STK38L: variants seen among roughly 807,000 people sequenced by gnomAD.
STK38L encodes serine/threonine-protein kinase 38-like.
STK38L carries 28 observed loss-of-function variants against 59.7 expected under a neutral mutation model. That is an observed-to-expected ratio of 0.47 (90% CI 0.35 to 0.64). The LOEUF is 0.64. STK38L is among the 30% of genes least tolerant of loss of function. The pLI, the probability that STK38L is intolerant of heterozygous loss-of-function variation, is 0.01. For missense variants in STK38L, 314 were observed against 555.8 expected, an observed-to-expected ratio of 0.56 and a Z score of 4.37; for synonymous variants, 162 against 176.8, an observed-to-expected ratio of 0.92 and a Z score of 0.66.
chr12:27,292,117 G>A (rs1464379966), intron 1 of STK38L, among the ~76,000 whole-genome samples: 1 of 152,206 alleles, frequency 6.6e-6, no homozygotes, highest in Non-Finnish European at 1.5e-5. Context: ...ATCAGTCCAG[G>A]AATTCTAGAC....
rs530316752 is a variant in STK38L at position 27,272,479 on chromosome 12, TC to T, written c.-11-25228del. Among the ~76,000 whole-genome samples the T allele has an allele frequency of 2.9e-3, 448 of 152,320 alleles. 2 individuals are homozygous for T. Among genetic ancestry groups the T allele is most frequent in the African/African-American group, 0.01 (424 of 41,564 alleles). On this transcript the variant is annotated intron_variant, in intron 1 of 13. Coordinates refer to ENST00000389032, the MANE Select transcript of STK38L (RefSeq NM_015000.4). The stretch of plus-strand genomic sequence containing the variant: ...GGAAGGACTGGGAAAGTAGCTCTTT[TC>T]CCTCCTTTATATGGTCATAATAAAG...
chr12:27,314,888 T>A, intron 7 of STK38L, 127 bp from the exon 8 acceptor site: 1 of 887,776 alleles, frequency 1.1e-6, no homozygotes, highest in Non-Finnish European at 1.7e-6. Context: ...CTTAAAATTT[T>A]ACATTTTACG....
At chr12:27,295,009 C>G (rs1220010441) in intron 1 of STK38L, among the ~76,000 whole-genome samples, 1 of 152,152 alleles carries the variant, frequency 6.6e-6, no homozygotes, top group African/African-American at 2.4e-5. Flanking sequence ...ATTCTTTGAC[C>G]TTTCTGCATC....
rs777282875 is a variant in STK38L, at chr12:27,319,349, C to T, written c.1101C>T (p.Asn367=). Residue 367 remains asparagine, a synonymous_variant, in exon 12 of 14, where the codon AAC becomes AAT. Coordinates refer to ENST00000389032, the MANE Select transcript of STK38L (RefSeq NM_015000.4). ...LILRFCIDSE[N]RIGNSGVEEI... ...GTAGATTTTGTATTGATTCTGAAAA[C>T]AGAATTGGAAATAGTGGAGTAGAAG... is the stretch of plus-strand genomic sequence containing the variant. 6.2e-7 allele frequency: 1 copy of T among 1,611,518 alleles called. No homozygotes were observed. The highest frequency in any genetic ancestry group is 1.3e-5 in the African/African-American group (1 of 74,820).
chr12:27,281,434 C>T (rs1943655821), intron 1 of STK38L, among the ~76,000 whole-genome samples: 1 of 152,154 alleles, frequency 6.6e-6, no homozygotes, highest in Admixed American at 6.5e-5. Flanking sequence ...TAGGCATGGT[C>T]ATTAGAACAA....
At chr12:27,291,622 A>G (rs1313196301) in intron 1 of STK38L, among the ~76,000 whole-genome samples, 1 of 152,232 alleles carries the variant, frequency 6.6e-6, no homozygotes, top group Non-Finnish European at 1.5e-5. Context: ...AACTTCACCT[A>G]TGAATTTCTT....
At chr12:27,314,993 A>T in intron 7 of STK38L, 22 bp from the exon 8 acceptor site, 1 of 1,569,906 alleles carries the variant, frequency 6.4e-7, no homozygotes, top group Non-Finnish European at 8.7e-7. Context: ...ATATGATCTA[A>T]TTTTACTGGA....
At position 27,313,030 on chromosome 12, in the gene STK38L, C is replaced by T. The variant is rs1048241142; in HGVS notation, c.517+358C>T. Among the ~76,000 whole-genome samples, 4 of 152,042 alleles carry T rather than the reference C, an allele frequency of 2.6e-5. 1 individual carries two copies. The South Asian group carries it at 6.2e-4, about 24-fold the overall frequency. On this transcript the variant is annotated intron_variant, in intron 6 of 13. Transcript: ENST00000389032. ...TTGGGAGGCCGAGGCGGATGGATCA[C>T]GAGGTCAGGAGATCAAGACCATCCT...
chr12:27,287,106 T>G (rs928537246), intron 1 of STK38L, among the ~76,000 whole-genome samples: 1 of 151,704 alleles, frequency 6.6e-6, no homozygotes, highest in African/African-American at 2.4e-5. Flanking sequence ...ATACACTTTT[T>G]TTTTTTTTTT....
intron 1 of STK38L, among the ~76,000 whole-genome samples, chr12:27,250,996 C>CAAAA (rs34643896): frequency 1.9e-5 from 2 of 104,974 alleles, no homozygotes; most frequent in African/African-American, 3.6e-5. Context: ...GACTCTGTCT[C>CAAAA]AAAAAAAAAA....
Position 27,314,576 on chromosome 12 carries a change from CTG to C in STK38L, c.592_593del (p.Val198SerfsTer17). 1 of 1,610,504 alleles carries C rather than the reference CTG, an allele frequency of 6.2e-7. No individual in the cohort carries two copies. Among genetic ancestry groups the C allele is most frequent in the Non-Finnish European group, 8.5e-7 (1 of 1,178,440 alleles). ...GAAACACAGTTCTACATTTCAGAGA[CTG>C]TTCTGGCAATAGATGCGATCCACCA... On this transcript the variant is annotated frameshift_variant, in exon 7 of 14. Transcript: ENST00000389032. LOFTEE classifies it high-confidence loss of function.
chr12:27,265,284 G>A (rs991589444), intron 1 of STK38L, among the ~76,000 whole-genome samples: 1 of 152,178 alleles, frequency 6.6e-6, no homozygotes, highest in Non-Finnish European at 1.5e-5. Flanking sequence ...GTATGTGTGT[G>A]TATAGGATCG....
chr12:27,321,160 A>G (rs577515583), intron 12 of STK38L, among the ~76,000 whole-genome samples: 26 of 152,352 alleles, frequency 1.7e-4, no homozygotes, highest in Non-Finnish European at 3.4e-4. Context: ...TACTAAGTAT[A>G]AATGAGTTGG....
chr12:27,294,059 C>A (rs556869314), intron 1 of STK38L, among the ~76,000 whole-genome samples: 2 of 152,220 alleles, frequency 1.3e-5, no homozygotes, highest in Admixed American at 1.3e-4. Context: ...TTTCCCACCC[C>A]AAATATTTGT....
intron 1 of STK38L, among the ~76,000 whole-genome samples, chr12:27,254,692 T>C (rs1276464028): frequency 6.6e-6 from 1 of 152,212 alleles, no homozygotes; most frequent in Non-Finnish European, 1.5e-5. Flanking sequence ...TGTTTTGGCT[T>C]TAGTGCCATT....
chr12:27,302,322 A>G (rs1450675985), intron 3 of STK38L, 134 bp downstream of exon 3: 1 of 648,056 alleles, frequency 1.5e-6, no homozygotes, highest in Non-Finnish European at 2.5e-6. Flanking sequence ...GCTGTCATGG[A>G]TATCTTTTAT....
intron 2 of STK38L, among the ~76,000 whole-genome samples, chr12:27,299,609 C>T (rs34111081): frequency 0.044 from 6,758 of 152,156 alleles, 173 homozygotes; most frequent in Non-Finnish European, 0.061. Flanking sequence ...TATTTTCCAA[C>T]AGCAGAATAT....
intron 5 of STK38L, among the ~76,000 whole-genome samples, chr12:27,309,567 C>T (rs1037577334): frequency 2.9e-4 from 44 of 152,182 alleles, no homozygotes; most frequent in African/African-American, 1.1e-3. Flanking sequence ...CATGGCCTTT[C>T]CTTGGTGTGT....
At chr12:27,307,192 G>T (rs1944338512) in intron 3 of STK38L, among the ~76,000 whole-genome samples, 1 of 152,002 alleles carries the variant, frequency 6.6e-6, no homozygotes, top group South Asian at 2.1e-4. Context: ...CTGTTAATTT[G>T]TGTACTTGAT....
Sources: allele counts gnomAD v4.1 joint callset (sites outside exome capture counted in the v4.1 genomes callset), GRCh38; gene constraint gnomAD v4.1.1; transcripts MANE v1.5; gene names NCBI Gene and HGNC (gene_info 2026-07-23, HGNC 2026-07-21).